The following RGS6 variants were observed in gnomAD, a reference collection of about 807,000 sequenced individuals.
RGS6 encodes regulator of G protein signaling 6.
A neutral mutation model predicts 78.5 loss-of-function variants in RGS6; 30 were observed. The observed-to-expected ratio is 0.38, with a 90% CI of 0.29 to 0.52. The LOEUF is 0.52. Among genes scored for constraint, RGS6 ranks in the 20% least tolerant of loss-of-function variants. RGS6 has a pLI of 0.85. For missense variants in RGS6, 495 were observed against 609.7 expected, an observed-to-expected ratio of 0.81 and a Z score of 1.98; for synonymous variants, 206 against 206.0, an observed-to-expected ratio of 1.00 and a Z score of 0.00.
chr14:72,397,443 T>G (rs933760453), intron 3 of RGS6, among the ~76,000 whole-genome samples: 4 of 151,842 alleles, frequency 2.6e-5, no homozygotes, highest in African/African-American at 9.7e-5. Context: ...CTTAAGGAGA[T>G]TTTGGGCTGA....
intron 2 of RGS6, among the ~76,000 whole-genome samples, chr14:72,106,053 C>T (rs564857044): frequency 2.6e-5 from 4 of 152,204 alleles, no homozygotes; most frequent in East Asian, 1.9e-4. Context: ...ATCCAGAGGT[C>T]GCAGTGGGAT....
Position 72,510,037 on chromosome 14 carries a change from A to G in RGS6, c.966-117A>G, listed in dbSNP as rs534059745. The G allele has an allele frequency of 7.6e-6, 9 of 1,182,366 alleles. No individual in the cohort carries two copies. In the East Asian group the frequency reaches 2.1e-4, roughly 27 times the overall value. 73.2% of individuals were successfully genotyped at this position (1,182,366 alleles called of 1,614,324 possible). Reference sequence around the variant, plus strand: ...CTTTTGTAGAATCTGCCCCTTAAATATGAGATGTTTCCCTTTGGTGAGTGA... The same window carrying G: ...CTTTTGTAGAATCTGCCCCTTAAATGTGAGATGTTTCCCTTTGGTGAGTGA... On this transcript the variant is annotated intron_variant, in intron 13 of 17. Coordinates refer to ENST00000553525, the MANE Select transcript of RGS6 (RefSeq NM_001204424.2).
chr14:72,582,719 G>A, the RGS6 span, among the ~76,000 whole-genome samples: 26 of 152,154 alleles, frequency 1.7e-4, no homozygotes, highest in Non-Finnish European at 3.4e-4. Context: ...TCATCAGCAT[G>A]TAGTGTAGCA....
chr14:72,285,115 G>A (rs997487957), intron 2 of RGS6, among the ~76,000 whole-genome samples: 2 of 152,190 alleles, frequency 1.3e-5, no homozygotes, highest in African/African-American at 4.8e-5. Flanking sequence ...CCTTGTCTCA[G>A]ATGAGACTTT....
intron 5 of RGS6, 26 bp from the exon 6 acceptor site, chr14:72,459,606 G>A (rs199975970): frequency 1.4e-4 from 222 of 1,613,618 alleles, no homozygotes; most frequent in Middle Eastern, 6.6e-4. Flanking sequence ...GCGCCCCTGA[G>A]CACTAACACC....
intron 3 of RGS6, among the ~76,000 whole-genome samples, chr14:72,374,672 A>G (rs2084261405): frequency 6.6e-6 from 1 of 152,216 alleles, no homozygotes; most frequent in Non-Finnish European, 1.5e-5. Flanking sequence ...AAACAAAACA[A>G]CATAAGGATA....
chr14:71,960,187 G>A (rs1010188739), intron 1 of RGS6, among the ~76,000 whole-genome samples: 12 of 152,160 alleles, frequency 7.9e-5, no homozygotes, highest in African/African-American at 2.7e-4. Flanking sequence ...AATGATTCAC[G>A]AATCTGTTTG....
intron 3 of RGS6, among the ~76,000 whole-genome samples, chr14:72,420,688 A>C (rs761754035): frequency 2.6e-5 from 4 of 152,240 alleles, no homozygotes; most frequent in Non-Finnish European, 4.4e-5. Flanking sequence ...AACCTTCACT[A>C]GTAATTTAGC....
intron 3 of RGS6, among the ~76,000 whole-genome samples, chr14:72,389,684 A>T (rs2089401922): frequency 6.6e-6 from 1 of 152,120 alleles, no homozygotes; most frequent in Non-Finnish European, 1.5e-5. Context: ...ACCTCCTAAG[A>T]TCCCCCAATA....
chr14:72,599,059 C>T, the RGS6 span, among the ~76,000 whole-genome samples: 219 of 152,306 alleles, frequency 1.4e-3, 2 homozygotes, highest in Non-Finnish European at 2.3e-3. Context: ...GGCGCAGCCA[C>T]GGGATTCTCT....
chr14:72,345,961 G>T (rs1173388134), intron 2 of RGS6, among the ~76,000 whole-genome samples: 1 of 152,190 alleles, frequency 6.6e-6, no homozygotes, highest in Non-Finnish European at 1.5e-5. Flanking sequence ...TGTCAGCTCT[G>T]ATTTCTGCCT....
chr14:72,490,091 G>A (rs2096557953), intron 12 of RGS6, among the ~76,000 whole-genome samples: 2 of 152,090 alleles, frequency 1.3e-5, no homozygotes, highest in Admixed American at 1.3e-4. Flanking sequence ...GTTTGCCTGT[G>A]TCCCCACCCA....
rs1333389873 is a variant in RGS6 at position 72,343,854 on chromosome 14, C to T, written c.85-8241C>T. On this transcript the variant is annotated intron_variant, in intron 2 of 17. Coordinates refer to ENST00000553525, the MANE Select transcript of RGS6 (RefSeq NM_001204424.2). ...ATGGTTCCCAACAAGAAGAGGTTGA[C>T]ACACTCAAATTCAGGTAATTTGAGG... Among the ~76,000 whole-genome samples, 8 of 152,200 alleles carry T rather than the reference C, an allele frequency of 5.3e-5. No homozygotes were observed. In the East Asian group the frequency reaches 1.5e-3, roughly 29 times the overall value.
At position 72,510,481 on chromosome 14, in the gene RGS6, G is replaced by A. The variant is rs72726167; in HGVS notation, c.1091+202G>A. Among the ~76,000 whole-genome samples the A allele has an allele frequency of 0.023, 3,510 of 152,296 alleles. 88 individuals are homozygous for A. The highest frequency in any genetic ancestry group is 0.11 in the South Asian group (515 of 4,820). On this transcript the variant is annotated intron_variant, in intron 14 of 17. Coordinates refer to ENST00000553525, the MANE Select transcript of RGS6 (RefSeq NM_001204424.2). ...ACCATAATAGCACCTACTAACACCA[G>A]CATGTTTCAGTTCAAGTCTATATGA...
chr14:72,542,240 C>T (rs1176972562), intron 17 of RGS6, among the ~76,000 whole-genome samples: 1 of 152,192 alleles, frequency 6.6e-6, no homozygotes, highest in East Asian at 1.9e-4. Context: ...CTTGGGGTGA[C>T]ACCATAGCCC....
chr14:72,178,202 G>A (rs887331567), intron 2 of RGS6, among the ~76,000 whole-genome samples: 1 of 152,196 alleles, frequency 6.6e-6, no homozygotes, highest in Non-Finnish European at 1.5e-5. Flanking sequence ...ACTGTAGCTA[G>A]CATCACATAC....
chr14:72,367,900 C>A (rs906084430), intron 3 of RGS6, among the ~76,000 whole-genome samples: 2 of 152,172 alleles, frequency 1.3e-5, no homozygotes, highest in African/African-American at 4.8e-5. Context: ...GTAGTCCATT[C>A]TGACTCTGAT....
rs143985283 is a variant in RGS6, at chr14:71,968,256, C to A, written c.84+3381C>A. ...AAAATGTTAATCCTCAAAGGACCCC[C>A]TCCACAAGGTATTTCTATTTAATAG... On this transcript the variant is annotated intron_variant, in intron 2 of 17. Transcript: ENST00000553525. Among the ~76,000 whole-genome samples, 335 of 152,232 alleles carry A rather than the reference C, an allele frequency of 2.2e-3. 1 individual carries two copies. The highest frequency in any genetic ancestry group is 7.7e-3 in the African/African-American group (319 of 41,570).
Position 72,560,315 on chromosome 14 carries a change from C to T in RGS6, c.1423-2102C>T, listed in dbSNP as rs537148086. Among the ~76,000 whole-genome samples, 38 of 152,310 alleles carry T rather than the reference C, an allele frequency of 2.5e-4. No homozygotes were observed. The South Asian group carries it at 7.7e-3, about 31-fold the overall frequency. Reference sequence around the variant, plus strand: ...GAGAGCAAACTTCCTTTGTGCCTTTCATAGGACAGGGATGGACATAGGTAA... The same window carrying T: ...GAGAGCAAACTTCCTTTGTGCCTTTTATAGGACAGGGATGGACATAGGTAA... On this transcript the variant is annotated intron_variant, in intron 17 of 17. Transcript: ENST00000553525.
Sources: gnomAD v4.1 joint callset for allele counts (sites outside exome capture counted in the v4.1 genomes callset) on GRCh38, gnomAD v4.1.1 for gene constraint, MANE v1.5 for transcripts, NCBI Gene and HGNC (gene_info 2026-07-23, HGNC 2026-07-21) for gene names.